The following ANGPTL6 variants were observed in gnomAD, a reference collection of about 807,000 sequenced individuals.
The protein encoded by ANGPTL6 is angiopoietin-related protein 6.
Under a neutral mutation model 47.4 loss-of-function variants are expected in ANGPTL6, and 45 were observed. That is an observed-to-expected ratio of 0.95 (90% CI 0.75 to 1.22). ANGPTL6 has a LOEUF of 1.22. ANGPTL6 is among the 50% of genes most tolerant of loss of function. The pLI is 0.00. For missense variants in ANGPTL6, 698 were observed against 669.4 expected (o/e 1.04, Z -0.47); for synonymous variants, 290 against 295.9 (o/e 0.98, Z 0.20).
intron 3 of ANGPTL6, 105 bp from the exon 4 acceptor site, chr19:10,093,985 G>T: frequency 4.9e-6 from 6 of 1,228,418 alleles, no homozygotes; most frequent in Non-Finnish European, 6.9e-6. Context: ...TAAGAGTTCT[G>T]CCTCTCCCAC....
chr19:10,100,787 G>A (rs1416027142), intron 1 of ANGPTL6, among the ~76,000 whole-genome samples: 2 of 152,176 alleles, frequency 1.3e-5, no homozygotes, highest in African/African-American at 2.4e-5. Context: ...GAGGGTAATC[G>A]TGCTTAGGAG....
In ANGPTL6 at chr19:10,101,768, G is replaced by A. The variant is rs10417676; in HGVS notation, c.-11+800C>T. Among the ~76,000 whole-genome samples the A allele has an allele frequency of 3.6e-4, 48 of 132,942 alleles. No individual in the cohort carries two copies. In the South Asian group the frequency reaches 0.011, roughly 32 times the overall value. The allele number at this position is 132,942 out of a possible 152,430, so 87.2% of individuals were successfully genotyped here. A position where few individuals can be genotyped will look rare whatever the true frequency, so the allele number is the denominator to read the frequency against. ...CGATGTTGCAGTGAGCAGAGATTGCGCCATTGCACTCCAACCTGGGCGACA... is the reference window on the plus strand; with the variant it reads ...CGATGTTGCAGTGAGCAGAGATTGCACCATTGCACTCCAACCTGGGCGACA... On this transcript the variant is annotated intron_variant, in intron 1 of 5. Transcript: ENST00000253109.
chr19:10,099,175 G>A (rs775104375), intron 1 of ANGPTL6, among the ~76,000 whole-genome samples: 2 of 152,060 alleles, frequency 1.3e-5, no homozygotes, highest in Non-Finnish European at 2.9e-5. Context: ...GCAGCCAGAG[G>A]GCGCCTGTGA....
At chr19:10,096,972 A>G (rs1255495913) in intron 1 of ANGPTL6, among the ~76,000 whole-genome samples, 1 of 149,418 alleles carries the variant, frequency 6.7e-6, no homozygotes, top group Non-Finnish European at 1.5e-5. Context: ...GGTGGTGCAC[A>G]CCTCTGGTCC....
chr19:10,092,401 C>A lies in ANGPTL6; in HGVS notation c.*188G>T. The A allele has an allele frequency of 1.3e-6, 2 of 1,514,916 alleles. No homozygotes were observed. Among genetic ancestry groups the A allele is most frequent in the Non-Finnish European group, 1.8e-6 (2 of 1,133,958 alleles). The allele number at this position is 1,514,916 out of a possible 1,614,324, so 93.8% of individuals were successfully genotyped here. On this transcript the variant is annotated 3_prime_UTR_variant, in exon 6 of 6. Transcript: ENST00000253109. ...CCGAGATATGAATGACCTTGGGGAG[C>A]CATCTGAGGCCAAGATATTGACGGG...
In ANGPTL6 at chr19:10,093,873, C is replaced by T. The variant is rs551697958; in HGVS notation, c.771G>A (p.Trp257Ter). The T allele has an allele frequency of 1.1e-5, 17 of 1,608,294 alleles. No homozygotes were observed. In the Admixed American group the frequency reaches 2.8e-4, roughly 27 times the overall value. The change falls in exon 4 of 6, where the codon TGG (tryptophan) becomes TGA (stop). Residue 257 changes from tryptophan to a stop codon, truncating the protein, a stop_gained. Transcript: ENST00000253109. LOFTEE classifies it high-confidence loss of function. The part of the protein sequence containing the change: ...PAVPTKPVGP[W>*]QDCAEARQAG... Reference sequence around the variant, plus strand: ...CCTGGCGGGCCTCTGCACAATCCTGCCACGGGCCTGTGGGCACAGGGATAG... The same window carrying T: ...CCTGGCGGGCCTCTGCACAATCCTGTCACGGGCCTGTGGGCACAGGGATAG...
Position 10,092,398 on chromosome 19 carries a change from G to C in ANGPTL6, c.*191C>G. 6.6e-7 allele frequency: 1 copy of C among 1,521,066 alleles called. No homozygotes were observed. Among genetic ancestry groups the C allele is most frequent in the Non-Finnish European group, 8.8e-7 (1 of 1,137,854 alleles). The allele number at this position is 1,521,066 out of a possible 1,614,324, so 94.2% of individuals were successfully genotyped here. ...AAACCGAGATATGAATGACCTTGGG[G>C]AGCCATCTGAGGCCAAGATATTGAC... On this transcript the variant is annotated 3_prime_UTR_variant, in exon 6 of 6. Transcript: ENST00000253109.
chr19:10,102,653 T>C lies in ANGPTL6; in HGVS notation c.-96A>G. ...AGAGCCGAGGGTCCAGTGGGGCCTC[T>C]GAGCTAGAGACGGGGAGAGGGCAGT... On this transcript the variant is annotated 5_prime_UTR_variant, in exon 1 of 6. Transcript: ENST00000253109. The C allele has an allele frequency of 1.0e-6, 1 of 984,738 alleles. No individual in the cohort carries two copies. The highest frequency in any genetic ancestry group is 1.2e-6 in the Non-Finnish European group (1 of 829,456). 61.0% of individuals were successfully genotyped at this position (984,738 alleles called of 1,614,324 possible). A position where few individuals can be genotyped will look rare whatever the true frequency, so the allele number is the denominator to read the frequency against.
In ANGPTL6 at chr19:10,093,357, G is replaced by A. The variant is rs1240423643; in HGVS notation, c.1214C>T (p.Ser405Phe). ...PFSTVDRDRD[S>F]YSGNCALYQR... Reference sequence around the variant, plus strand: ...ATAGGAGTTCTCCTTACCAGAATAGGAGTCTCGGTCCCTATCCACGGTGCT... The same window carrying A: ...ATAGGAGTTCTCCTTACCAGAATAGAAGTCTCGGTCCCTATCCACGGTGCT... The change falls in exon 5 of 6, where the codon TCC becomes TTC. Residue 405 changes from serine (S) to phenylalanine (F), a missense_variant. By Grantham distance (155) the Ser-to-Phe change is radical. Transcript: ENST00000253109. 2 of 1,612,676 alleles carry A rather than the reference G, an allele frequency of 1.2e-6. No individual in the cohort carries two copies. Among genetic ancestry groups the A allele is most frequent in the African/African-American group, 1.3e-5 (1 of 74,966 alleles).
In ANGPTL6 at chr19:10,101,949, CAA is replaced by C. The variant is rs903648674; in HGVS notation, c.-11+617_-11+618del. ...TGAAATTCCGTCTCTACTAAAAATA[CAA>C]AAAAAAAAAAAAAAATTAGCCGGGC... is the stretch of plus-strand genomic sequence containing the variant. On this transcript the variant is annotated intron_variant, in intron 1 of 5. Coordinates refer to ENST00000253109, the MANE Select transcript of ANGPTL6 (RefSeq NM_031917.3). 8.7e-3 allele frequency among the ~76,000 whole-genome samples: 841 copies of C among 96,496 alleles called. 18 individuals are homozygous for C. The highest frequency in any genetic ancestry group is 0.059 in the South Asian group (190 of 3,220). The allele number at this position is 96,496 out of a possible 152,430, so 63.3% of individuals were successfully genotyped here.
chr19:10,094,606 T>G (rs1221216569), intron 3 of ANGPTL6, 152 bp downstream of exon 3: 8 of 963,290 alleles, frequency 8.3e-6, no homozygotes, highest in Non-Finnish European at 1.3e-5. Flanking sequence ...TTGTTTCTCC[T>G]ATTTTCACAC....
At chr19:10,094,575 G>A in intron 3 of ANGPTL6, 183 bp downstream of exon 3, 1 of 745,118 alleles carries the variant, frequency 1.3e-6, no homozygotes, top group South Asian at 1.7e-5. Context: ...ACTAAAGTAA[G>A]AGTCCCTCCT....
chr19:10,094,628 G>C, intron 3 of ANGPTL6, 130 bp downstream of exon 3: 2 of 1,135,038 alleles, frequency 1.8e-6, no homozygotes, highest in Non-Finnish European at 2.6e-6. Context: ...TTAGAAGTTT[G>C]GTCTTATTTT....
upstream of ANGPTL6, among the ~76,000 whole-genome samples, chr19:10,103,106 A>C (rs532160348): frequency 6.6e-6 from 1 of 151,932 alleles, no homozygotes; most frequent in Non-Finnish European, 1.5e-5. Flanking sequence ...ACAGCAGGGA[A>C]AACTGAGGCT....
chr19:10,094,516 C>G, intron 3 of ANGPTL6: 1 of 573,492 alleles, frequency 1.7e-6, no homozygotes, highest in Non-Finnish European at 3.1e-6. Context: ...ATATGATACT[C>G]TGAACCAGTT....
In ANGPTL6 at chr19:10,096,305, C is replaced by A; in HGVS notation, c.259G>T (p.Gly87Cys). The stretch of plus-strand genomic sequence containing the variant: ...GCGCGCACCTCGCCGGCCACGGCGC[C>A]GTCGGCCGCCGCCAGCCTCTGCAGC... ...RELQRLAAADGAVAGEVRALR... is the reference protein window; with the variant it reads ...RELQRLAAADCAVAGEVRALR... The change falls in exon 2 of 6, where the codon GGC (glycine) becomes TGC (cysteine). Residue 87 changes from glycine (G) to cysteine (C), a missense_variant. Transcript: ENST00000253109. The A allele has an allele frequency of 8.1e-7, 1 of 1,237,854 alleles. No individual in the cohort carries two copies. The highest frequency in any genetic ancestry group is 4.3e-5 in the Admixed American group (1 of 23,524). The allele number at this position is 1,237,854 out of a possible 1,614,324, so 76.7% of individuals were successfully genotyped here.
At chr19:10,093,105 C>T (rs1430166028) in intron 5 of ANGPTL6, 3 of 558,460 alleles carry the variant, frequency 5.4e-6, no homozygotes, top group Admixed American at 3.2e-5. Context: ...CTAGCTCTCA[C>T]CCTCTGCCCT....
At chr19:10,099,534 G>T (rs1265440036) in intron 1 of ANGPTL6, among the ~76,000 whole-genome samples, 1 of 133,006 alleles carries the variant, frequency 7.5e-6, no homozygotes, top group Non-Finnish European at 1.5e-5. Flanking sequence ...CCGAGACTGT[G>T]CCACTGCACT....
At chr19:10,102,963 C>T (rs746999988), upstream of ANGPTL6, among the ~76,000 whole-genome samples, 8 of 151,858 alleles carry the variant, frequency 5.3e-5, no homozygotes, top group Non-Finnish European at 8.8e-5. Flanking sequence ...GCCCCAGACA[C>T]GCACACACCA....
Sources: gnomAD v4.1 joint callset for allele counts (sites outside exome capture counted in the v4.1 genomes callset) on GRCh38, gnomAD v4.1.1 for gene constraint, MANE v1.5 for transcripts, NCBI Gene and HGNC (gene_info 2026-07-23, HGNC 2026-07-21) for gene names.